Variants in LRP1B observed in about 807,000 individuals in gnomAD.
LRP1B encodes low-density lipoprotein receptor-related protein 1B.
LRP1B carries 217 observed loss-of-function variants against 556.6 expected under a neutral mutation model. The ratio of observed to expected loss-of-function variants is 0.39; its 90% confidence interval spans 0.35 to 0.44. The LOEUF (loss-of-function observed/expected upper bound fraction) is 0.44, where lower values mean the gene tolerates loss of function less well. Ranked by LOEUF, LRP1B falls within the 20% of genes least tolerant of loss-of-function variation. The pLI, the probability that LRP1B is intolerant of heterozygous loss-of-function variation, is 1.00. For synonymous variants in LRP1B, 2,047 were observed against 1,865.8 expected (o/e 1.10, Z -2.50); for missense variants, 5,053 against 5,620.8 (o/e 0.90, Z 3.23).
intron 77 of LRP1B, among the ~76,000 whole-genome samples, 196 bp from the exon 78 acceptor site, chr2:140,336,034 G>T (rs559702474): frequency 6.6e-6 from 1 of 152,082 alleles, no homozygotes; most frequent in African/African-American, 2.4e-5. Context: ...TAATTGTACA[G>T]ATCACTGGAG....
chr2:141,314,170 C>T (rs568526928), intron 3 of LRP1B, among the ~76,000 whole-genome samples: 2 of 152,174 alleles, frequency 1.3e-5, no homozygotes, highest in South Asian at 2.1e-4. Flanking sequence ...ACTCGCATGC[C>T]TCGTCAGCAA....
chr2:140,935,132 T>C (rs1436722285), intron 20 of LRP1B, among the ~76,000 whole-genome samples: 1 of 151,918 alleles, frequency 6.6e-6, no homozygotes, highest in African/African-American at 2.4e-5. Context: ...CAAAGAAGAG[T>C]ATATTATTCA....
intron 41 of LRP1B, among the ~76,000 whole-genome samples, chr2:140,602,587 C>A (rs144245278): frequency 5.9e-5 from 9 of 152,038 alleles, no homozygotes; most frequent in African/African-American, 7.2e-5. Context: ...CAAAGAATCC[C>A]TAATAGGAAC....
intron 43 of LRP1B, among the ~76,000 whole-genome samples, chr2:140,553,292 A>C (rs2105056380): frequency 6.6e-6 from 1 of 152,168 alleles, no homozygotes; most frequent in South Asian, 2.1e-4. Context: ...TATTATATTT[A>C]ACTTACCTGA....
At chr2:140,625,491 A>G (rs1051476891) in intron 41 of LRP1B, among the ~76,000 whole-genome samples, 8 of 152,210 alleles carry the variant, frequency 5.3e-5, no homozygotes, top group African/African-American at 1.9e-4. Context: ...TCTAATGAAG[A>G]ACTGTTATCC....
chr2:140,301,650 G>T (rs1683827766), intron 83 of LRP1B, among the ~76,000 whole-genome samples: 1 of 151,624 alleles, frequency 6.6e-6, no homozygotes, highest in Non-Finnish European at 1.5e-5. Context: ...CAGAAAACAG[G>T]CCAGAATGCT....
At chr2:141,915,430 A>G (rs544724725) in intron 1 of LRP1B, among the ~76,000 whole-genome samples, 12 of 152,178 alleles carry the variant, frequency 7.9e-5, no homozygotes, top group Non-Finnish European at 1.6e-4. Flanking sequence ...CTTTCACCAT[A>G]TACAAAAATT....
intron 2 of LRP1B, among the ~76,000 whole-genome samples, chr2:141,712,421 T>C (rs936179721): frequency 6.6e-6 from 1 of 152,082 alleles, no homozygotes; most frequent in Non-Finnish European, 1.5e-5. Flanking sequence ...ATTAATTATA[T>C]AATGTATGAT....
chr2:141,364,016 T>A (rs887047312), intron 3 of LRP1B, among the ~76,000 whole-genome samples: 1 of 152,142 alleles, frequency 6.6e-6, no homozygotes, highest in Non-Finnish European at 1.5e-5. Context: ...TTGGTTTGAT[T>A]TTCTCCTCCA....
intron 7 of LRP1B, among the ~76,000 whole-genome samples, chr2:141,141,183 T>C (rs1701643036): frequency 6.6e-6 from 1 of 152,228 alleles, no homozygotes; most frequent in African/African-American, 2.4e-5. Flanking sequence ...CCTCAGTTTA[T>C]ATAGTAAACT....
chr2:141,558,721 G>T lies in LRP1B; in HGVS notation c.206-78188C>A, dbSNP rs772721723. 6.6e-5 allele frequency among the ~76,000 whole-genome samples: 10 copies of T among 151,796 alleles called. No homozygotes were observed. In the Middle Eastern group the frequency reaches 0.01, roughly 155 times the overall value. ...AATCTTAGCTGTAGACTATGTTTACGCACTAATGGATTCTGGCAATCTCTA... is the reference window on the plus strand; with the variant it reads ...AATCTTAGCTGTAGACTATGTTTACTCACTAATGGATTCTGGCAATCTCTA... On this transcript the variant is annotated intron_variant, in intron 2 of 90. Transcript: ENST00000389484.
At chr2:140,349,325 T>G (rs13382933) in intron 77 of LRP1B, among the ~76,000 whole-genome samples, 46,505 of 151,958 alleles carry the variant, frequency 0.31, 8,029 homozygotes, top group Non-Finnish European at 0.4. Flanking sequence ...ATATGTAAAT[T>G]GCAAATAATT....
chr2:141,009,598 A>G (rs1697681632), intron 14 of LRP1B, among the ~76,000 whole-genome samples: 1 of 152,014 alleles, frequency 6.6e-6, no homozygotes, highest in Non-Finnish European at 1.5e-5. Context: ...CACCAAACCT[A>G]AAGCTTATTA....
intron 2 of LRP1B, among the ~76,000 whole-genome samples, chr2:141,511,363 C>G (rs1454113279): frequency 2.0e-5 from 3 of 152,062 alleles, no homozygotes; most frequent in African/African-American, 7.2e-5. Context: ...AACATCCTAA[C>G]CGGTGAAGGA....
chr2:140,463,684 C>T lies in LRP1B; in HGVS notation c.9626-6033G>A, dbSNP rs563241469. Among the ~76,000 whole-genome samples, 4 of 152,210 alleles carry T rather than the reference C, an allele frequency of 2.6e-5. No individual in the cohort carries two copies. The South Asian group carries it at 8.3e-4, about 32-fold the overall frequency. On this transcript the variant is annotated intron_variant, in intron 60 of 90. Coordinates refer to ENST00000389484, the MANE Select transcript of LRP1B (RefSeq NM_018557.3). ...TTTTCCGATATTAAATATCATAGTC[C>T]TTCAATGAGATCTTGCTGGGATGGA... is the stretch of plus-strand genomic sequence containing the variant.
At chr2:141,626,919 C>T (rs181535898) in intron 2 of LRP1B, among the ~76,000 whole-genome samples, 8 of 152,208 alleles carry the variant, frequency 5.3e-5, no homozygotes, top group African/African-American at 7.2e-5. Flanking sequence ...ACATTCATAC[C>T]GTATGATTCA....
intron 80 of LRP1B, among the ~76,000 whole-genome samples, chr2:140,324,650 T>C (rs534037987): frequency 1.1e-4 from 16 of 152,188 alleles, no homozygotes; most frequent in South Asian, 6.2e-4. Flanking sequence ...TTTTCACATC[T>C]TGTGATTTAT....
Position 140,314,830 on chromosome 2 carries a change from GTTC to G in LRP1B, c.12805+102_12805+104del, listed in dbSNP as rs1573776102. 14 of 745,864 alleles carry G rather than the reference GTTC, an allele frequency of 1.9e-5. No homozygotes were observed. In the East Asian group the frequency reaches 3.9e-4, roughly 21 times the overall value. The allele number at this position is 745,864 out of a possible 1,614,324, so 46.2% of individuals were successfully genotyped here. A position where few individuals can be genotyped will look rare whatever the true frequency, so the allele number is the denominator to read the frequency against. ...TGTTATTATATTGTGTTAGTCTATTGTTCATTAAGATATTAGGAAGTATATTTG... is the reference window on the plus strand; with the variant it reads ...TGTTATTATATTGTGTTAGTCTATTGATTAAGATATTAGGAAGTATATTTG... On this transcript the variant is annotated intron_variant, in intron 83 of 90. Coordinates refer to ENST00000389484, the MANE Select transcript of LRP1B (RefSeq NM_018557.3).
At chr2:140,906,915 G>A (rs959573362) in intron 22 of LRP1B, among the ~76,000 whole-genome samples, 2 of 147,446 alleles carry the variant, frequency 1.4e-5, no homozygotes, top group Non-Finnish European at 3.0e-5. Flanking sequence ...TGCATTCACT[G>A]TTTCAAGGTT....
Sources: allele counts gnomAD v4.1 joint callset (sites outside exome capture counted in the v4.1 genomes callset), GRCh38; gene constraint gnomAD v4.1.1; transcripts MANE v1.5; gene names NCBI Gene and HGNC (gene_info 2026-07-23, HGNC 2026-07-21).